The following MICALL2 variants were observed in gnomAD, a reference collection of about 807,000 sequenced individuals.
MICALL2 encodes MICAL like 2.
MICALL2 carries 111 observed loss-of-function variants against 91.1 expected under a neutral mutation model. That is an observed-to-expected ratio of 1.22 (90% CI 1.04 to 1.43). The LOEUF is 1.43. MICALL2 is among the 40% of genes most tolerant of loss of function. The pLI is 0.00. For missense variants in MICALL2, 1,556 were observed against 1,236.0 expected (o/e 1.26, Z -3.88); for synonymous variants, 694 against 525.3 (o/e 1.32, Z -4.39).
At chr7:1,454,334 G>A (rs1780937902) in intron 1 of MICALL2, among the ~76,000 whole-genome samples, 1 of 152,138 alleles carries the variant, frequency 6.6e-6, no homozygotes, top group African/African-American at 2.4e-5. Context: ...CGGAGATGGT[G>A]GAGGGAGGCC....
chr7:1,453,303 G>A (rs1780901480), intron 1 of MICALL2, among the ~76,000 whole-genome samples: 1 of 152,100 alleles, frequency 6.6e-6, no homozygotes, highest in South Asian at 2.1e-4. Context: ...TGGTCCCATG[G>A]CTGGTGTCCT....
chr7:1,441,706 C>T (rs549623542), intron 7 of MICALL2: 89 of 179,048 alleles, frequency 5.0e-4, no homozygotes, highest in Non-Finnish European at 9.5e-4. Flanking sequence ...GCATAGGGCA[C>T]CGTCACCGGG....
At chr7:1,440,884 G>A (rs1038695318) in intron 7 of MICALL2, 200 bp from the exon 8 acceptor site, 1 of 570,232 alleles carries the variant, frequency 1.8e-6, no homozygotes. Context: ...CCTGTGCTGT[G>A]TGTCCCTGGG....
rs368224996 is a variant in MICALL2 at position 1,444,883 on chromosome 7, G to A, written c.1187C>T (p.Thr396Ile). 4.1e-5 allele frequency: 65 copies of A among 1,588,744 alleles called. No homozygotes were observed. Among genetic ancestry groups the A allele is most frequent in the South Asian group, 1.0e-4 (9 of 89,066 alleles). ...TGGGGGGTCCACCGTGGCTGCAGAT[G>A]TGGAGCTTGAACTGAGTGTGGTTTG... ...APQTTLSSSSTSAATVDPPAW... is the reference protein window; with the variant it reads ...APQTTLSSSSISAATVDPPAW... Residue 396 changes from threonine (T) to isoleucine (I), a missense_variant, in exon 6 of 17, where the codon ACA (threonine) becomes ATA (isoleucine). By Grantham distance (89) the Thr-to-Ile change is moderately conservative. Coordinates refer to ENST00000297508, the MANE Select transcript of MICALL2 (RefSeq NM_182924.4).
rs1193465119 is a variant in MICALL2 at position 1,446,821 on chromosome 7, G to A, written c.533C>T (p.Ala178Val). ...AGGPPPKTDQALAGSLVSSTC... is the reference protein window; with the variant it reads ...AGGPPPKTDQVLAGSLVSSTC... ...GCTGCTGACCAAGCTGCCCGCCAAT[G>A]CCTGGTCCTGGGGAAGATGCCAGCA... is the stretch of plus-strand genomic sequence containing the variant. The change falls in exon 5 of 17, where the codon GCA (alanine) becomes GTA (valine). Residue 178 changes from alanine to valine, a missense_variant. Transcript: ENST00000297508. The A allele has an allele frequency of 6.9e-6, 11 of 1,588,966 alleles. No homozygotes were observed. Among genetic ancestry groups the A allele is most frequent in the Non-Finnish European group, 9.4e-6 (11 of 1,167,802 alleles).
intron 2 of MICALL2, among the ~76,000 whole-genome samples, chr7:1,449,381 C>T (rs747531978): frequency 2.0e-5 from 3 of 152,248 alleles, no homozygotes; most frequent in Non-Finnish European, 2.9e-5. Flanking sequence ...GCAGCGTCAG[C>T]TCACTGCAAC....
chr7:1,436,087 C>A (rs953539640), intron 15 of MICALL2, among the ~76,000 whole-genome samples: 13 of 149,878 alleles, frequency 8.7e-5, no homozygotes, highest in South Asian at 4.2e-4. Context: ...ACAAAACAAA[C>A]AAAAAAAACT....
intron 1 of MICALL2, among the ~76,000 whole-genome samples, chr7:1,455,787 A>T (rs1780993469): frequency 1.3e-5 from 2 of 151,974 alleles, no homozygotes; most frequent in South Asian, 4.1e-4. Flanking sequence ...AAGGCCAGAC[A>T]AAGGGAAGGA....
At chr7:1,438,734 C>T (rs1780110518) in intron 10 of MICALL2, 106 bp downstream of exon 10, 1 of 1,506,334 alleles carries the variant, frequency 6.6e-7, no homozygotes, top group East Asian at 2.3e-5. Context: ...TCCCTCCATT[C>T]TAGGTCCTGT....
chr7:1,454,170 G>A (rs1488875477), intron 1 of MICALL2, among the ~76,000 whole-genome samples: 1 of 151,354 alleles, frequency 6.6e-6, no homozygotes, highest in African/African-American at 2.4e-5. Flanking sequence ...ATGGAGTGGG[G>A]AGGGCGGGGG....
At chr7:1,454,880 C>T (rs564143506) in intron 1 of MICALL2, among the ~76,000 whole-genome samples, 218 of 152,248 alleles carry the variant, frequency 1.4e-3, no homozygotes, top group African/African-American at 4.8e-3. Context: ...CACTGCACAG[C>T]GGCCGCCCCA....
rs769329362 is a variant in MICALL2 at position 1,444,916 on chromosome 7, G to A, written c.1154C>T (p.Ala385Val). 6 of 1,542,480 alleles carry A rather than the reference G, an allele frequency of 3.9e-6. No individual in the cohort carries two copies. Among genetic ancestry groups the A allele is most frequent in the Admixed American group, 1.9e-5 (1 of 52,208 alleles). The change falls in exon 6 of 17, where the codon GCA (alanine) becomes GTA (valine). Residue 385 changes from alanine (A) to valine (V), a missense_variant. Transcript: ENST00000297508. Reference sequence around the variant, plus strand: ...TGAACTGAGTGTGGTTTGAGGAGCTGCCACTCGGGGGGCTCCCCCACCCTG... The same window carrying A: ...TGAACTGAGTGTGGTTTGAGGAGCTACCACTCGGGGGGCTCCCCCACCCTG... ...TPQGGGAPRV[A>V]APQTTLSSSS...
In MICALL2 at chr7:1,452,648, T is replaced by G. The variant is rs1421942485; in HGVS notation, c.144-2360A>C. 1.3e-5 allele frequency among the ~76,000 whole-genome samples: 2 copies of G among 152,066 alleles called. No homozygotes were observed. Among genetic ancestry groups the G allele is most frequent in the Non-Finnish European group, 2.9e-5 (2 of 67,986 alleles). ...CCAGCAGCGGCTCTGTCCAGTGGGTTTCCCTGCAGGGCCATCTCACCCCCA... is the reference window on the plus strand; with the variant it reads ...CCAGCAGCGGCTCTGTCCAGTGGGTGTCCCTGCAGGGCCATCTCACCCCCA... On this transcript the variant is annotated intron_variant, in intron 1 of 16. Transcript: ENST00000297508. This position sits in a 1 kb window ranked among gnomAD's most constrained non-coding sequence, Gnocchi z 6.2.
chr7:1,437,625 C>G lies in MICALL2; in HGVS notation c.2403-17G>C. 1 of 1,538,376 alleles carries G rather than the reference C, an allele frequency of 6.5e-7. No homozygotes were observed. The highest frequency in any genetic ancestry group is 8.7e-7 in the Non-Finnish European group (1 of 1,145,800). On this transcript the variant is annotated splice_polypyrimidine_tract_variant and intron_variant, in intron 13 of 16. Coordinates refer to ENST00000297508, the MANE Select transcript of MICALL2 (RefSeq NM_182924.4). ...GCCTTGGACCTGCCGCACAGACACG[C>G]GTCTGAGGCCTGACTCTGCCGCCCT...
intron 2 of MICALL2, among the ~76,000 whole-genome samples, chr7:1,450,020 G>A (rs1477169665): frequency 6.6e-6 from 1 of 152,334 alleles, no homozygotes; most frequent in Middle Eastern, 3.4e-3. Context: ...GAAAAGAGGG[G>A]ACCAGTATGC....
At position 1,440,097 on chromosome 7, in the gene MICALL2, G is replaced by T. The variant is rs1469785160; in HGVS notation, c.1806-12C>A. On this transcript the variant is annotated splice_polypyrimidine_tract_variant and intron_variant, in intron 8 of 16. Coordinates refer to ENST00000297508, the MANE Select transcript of MICALL2 (RefSeq NM_182924.4). ...TGGGCTTCAGAGTCCTGGGCAGAAG[G>T]CATGAGGTCGGAACCCGAACCACCA... 1 of 1,584,756 alleles carries T rather than the reference G, an allele frequency of 6.3e-7. No individual in the cohort carries two copies.
At position 1,452,523 on chromosome 7, in the gene MICALL2, G is replaced by A. The variant is rs1052205828; in HGVS notation, c.144-2235C>T. On this transcript the variant is annotated intron_variant, in intron 1 of 16. Transcript: ENST00000297508. The surrounding 1 kb of genome is among the most constrained non-coding windows in gnomAD (Gnocchi z 6.2). ...GGCCATGTCCCCGGAAAGAATGCCC[G>A]GACGGCCGGGAGGGCAGTGTCACAA... 2.0e-5 allele frequency among the ~76,000 whole-genome samples: 3 copies of A among 152,164 alleles called. No homozygotes were observed. The highest frequency in any genetic ancestry group is 1.3e-4 in the Admixed American group (2 of 15,286).
In MICALL2 at chr7:1,437,984, G is replaced by A; in HGVS notation, c.2312-4C>T. On this transcript the variant is annotated splice_polypyrimidine_tract_variant and splice_region_variant and intron_variant, in intron 12 of 16. Transcript: ENST00000297508. ...ATGAGGCTATCCTCAGCGTCATCTG[G>A]GGAGAGGAGCCAGCTGGGGCAGGGG... 2 of 1,550,800 alleles carry A rather than the reference G, an allele frequency of 1.3e-6. No homozygotes were observed. The highest frequency in any genetic ancestry group is 2.0e-5 in the Admixed American group (1 of 51,114).
chr7:1,434,738 G>A lies in MICALL2; in HGVS notation c.2639-66C>T, dbSNP rs373542555. ...AGCCGCACAGCCGTGGCCCACACAA[G>A]TCCCCCTGCCAGAAACATCCTTCCC... On this transcript the variant is annotated intron_variant, in intron 16 of 16. Transcript: ENST00000297508. 25 of 1,445,948 alleles carry A rather than the reference G, an allele frequency of 1.7e-5. 1 individual carries two copies. The highest frequency in any genetic ancestry group is 4.1e-5 in the South Asian group (3 of 73,788). 89.6% of individuals were successfully genotyped at this position (1,445,948 alleles called of 1,614,324 possible).
Sources: allele counts gnomAD v4.1 joint callset (sites outside exome capture counted in the v4.1 genomes callset), GRCh38; gene constraint gnomAD v4.1.1; non-coding constraint Gnocchi (gnomAD v3.1); transcripts MANE v1.5; gene names NCBI Gene and HGNC (gene_info 2026-07-23, HGNC 2026-07-21).